The following CRTAM variants were observed in gnomAD, a reference collection of about 807,000 sequenced individuals.
The protein encoded by CRTAM is cytotoxic and regulatory T-cell molecule.
Under a neutral mutation model 50.0 loss-of-function variants are expected in CRTAM, and 44 were observed. That is an observed-to-expected ratio of 0.88 (90% confidence interval 0.69 to 1.13). CRTAM has a LOEUF of 1.13. Ranked by LOEUF, CRTAM falls within the 50% of genes most tolerant of loss-of-function variation. CRTAM has a pLI of 0.00. For synonymous variants in CRTAM, 159 were observed against 169.3 expected (o/e 0.94, Z 0.47); for missense variants, 448 against 457.5 (o/e 0.98, Z 0.19).
chr11:122,857,900 C>A (rs1431753867), intron 5 of CRTAM, among the ~76,000 whole-genome samples: 2 of 152,066 alleles, frequency 1.3e-5, no homozygotes, highest in Non-Finnish European at 2.9e-5. Context: ...AATAGGCTAT[C>A]TTTGTTTTTA....
intron 1 of CRTAM, among the ~76,000 whole-genome samples, chr11:122,839,783 C>G (rs1861777303): frequency 6.6e-6 from 1 of 152,174 alleles, no homozygotes; most frequent in Admixed American, 6.5e-5. Flanking sequence ...ATGCACCTAT[C>G]CTTCTAAATC....
intron 6 of CRTAM, 86 bp from the exon 7 acceptor site, chr11:122,864,550 C>G (rs922559250): frequency 5.6e-6 from 5 of 898,318 alleles, no homozygotes; most frequent in Non-Finnish European, 8.8e-6. Context: ...CCAAGCTGCT[C>G]TGGGAAGACT....
intron 4 of CRTAM, among the ~76,000 whole-genome samples, chr11:122,855,259 T>TA (rs1861990766): frequency 6.6e-6 from 1 of 152,118 alleles, no homozygotes; most frequent in Non-Finnish European, 1.5e-5. Flanking sequence ...TCAACATTCT[T>TA]AGAGTTGCAA....
chr11:122,857,854 C>T (rs755485433), intron 5 of CRTAM, among the ~76,000 whole-genome samples: 5 of 152,112 alleles, frequency 3.3e-5, no homozygotes, highest in Non-Finnish European at 7.4e-5. Context: ...TGTGATGCTT[C>T]GAGAAAGAGA....
intron 5 of CRTAM, among the ~76,000 whole-genome samples, chr11:122,861,686 C>T: frequency 6.6e-6 from 1 of 151,802 alleles, no homozygotes; most frequent in Admixed American, 6.6e-5. Context: ...GGCGATCCAC[C>T]CACCTCAGCC....
intron 3 of CRTAM, among the ~76,000 whole-genome samples, chr11:122,853,462 A>G (rs1861961769): frequency 6.6e-6 from 1 of 152,142 alleles, no homozygotes; most frequent in Non-Finnish European, 1.5e-5. Flanking sequence ...TTCTGGCTTC[A>G]GCCAAAGTAG....
intron 9 of CRTAM, among the ~76,000 whole-genome samples, chr11:122,869,668 C>T (rs1202083234): frequency 6.6e-6 from 1 of 152,164 alleles, no homozygotes; most frequent in South Asian, 2.1e-4. Flanking sequence ...AGAAATACAG[C>T]GAGTTTTGCC....
chr11:122,844,475 T>G (rs1403398966), intron 1 of CRTAM, among the ~76,000 whole-genome samples: 1 of 152,370 alleles, frequency 6.6e-6, no homozygotes, highest in East Asian at 1.9e-4. Flanking sequence ...TACTACTCTT[T>G]ATTCTATCAT....
At chr11:122,843,622 G>A (rs1861825959) in intron 1 of CRTAM, among the ~76,000 whole-genome samples, 1 of 152,166 alleles carries the variant, frequency 6.6e-6, no homozygotes, top group African/African-American at 2.4e-5. Flanking sequence ...TGTCTCTAGA[G>A]CCTACAGAGG....
In CRTAM at chr11:122,864,643, A is replaced by G; in HGVS notation, c.741A>G (p.Val247=). 8.1e-6 allele frequency: 13 copies of G among 1,611,314 alleles called. No homozygotes were observed. The highest frequency in any genetic ancestry group is 1.0e-5 in the Non-Finnish European group (12 of 1,177,548). The change falls in exon 7 of 10, where the codon GTA becomes GTG. Residue 247 remains valine, a synonymous_variant. Transcript: ENST00000227348. ...TATCTTCTTTCACTTTAGTCTCAGT[A>G]ACGGAAGATTCTAGTACATCGGAGA... ...DPQQPTSTVS[V]TEDSSTSEID... is the part of the protein sequence containing the mutation.
chr11:122,867,925 C>G (rs1284874079), intron 8 of CRTAM, 88 bp from the exon 9 acceptor site: 5 of 778,930 alleles, frequency 6.4e-6, no homozygotes, highest in Non-Finnish European at 1.1e-5. Flanking sequence ...TACTATTGCA[C>G]AGTAACAGAG....
rs771979682 is a variant in CRTAM, at chr11:122,850,112, G to A, written c.91G>A (p.Gly31Ser). ...NHTETITVEE[G>S]QTLTLKCVTS... The stretch of plus-strand genomic sequence containing the variant: ...CACAGAAACCATCACCGTGGAGGAA[G>A]GCCAGACGCTCACTCTAAAGTGTGT... Residue 31 changes from glycine to serine, a missense_variant, in exon 2 of 10, where the codon GGC becomes AGC. Gly to Ser is a moderately conservative substitution (Grantham distance 56, BLOSUM62 0). Coordinates refer to ENST00000227348, the MANE Select transcript of CRTAM (RefSeq NM_019604.4). 2 of 1,613,386 alleles carry A rather than the reference G, an allele frequency of 1.2e-6. No individual in the cohort carries two copies. Among genetic ancestry groups the A allele is most frequent in the Admixed American group, 1.7e-5 (1 of 60,008 alleles).
intron 5 of CRTAM, among the ~76,000 whole-genome samples, chr11:122,861,377 T>C (rs11218867): frequency 0.024 from 2,297 of 96,930 alleles, 57 homozygotes; most frequent in Admixed American, 0.081. Context: ...CACACACACA[T>C]ACATATACGT....
intron 9 of CRTAM, 73 bp from the exon 10 acceptor site, chr11:122,871,192 CCAAT>C (rs1183277808): frequency 1.5e-6 from 2 of 1,314,646 alleles, no homozygotes; most frequent in East Asian, 2.5e-5. Context: ...AATATGATAT[CCAAT>C]CAAAGTGTTT....
At position 122,851,765 on chromosome 11, in the gene CRTAM, C is replaced by A. The variant is rs1219272928; in HGVS notation, c.266C>A (p.Thr89Asn). The change falls in exon 3 of 10, where the codon ACC becomes AAC. Residue 89 changes from threonine (T) to asparagine (N), a missense_variant. Transcript: ENST00000227348. The part of the protein sequence containing the change: ...NQLSITVPNV[T>N]LQDEGVYKCL... ...CTCTCCATCACTGTGCCTAACGTAACCCTGCAAGATGAAGGCGTGTACAAG... is the reference window on the plus strand; with the variant it reads ...CTCTCCATCACTGTGCCTAACGTAAACCTGCAAGATGAAGGCGTGTACAAG... 2 of 1,614,080 alleles carry A rather than the reference C, an allele frequency of 1.2e-6. No individual in the cohort carries two copies. Among genetic ancestry groups the A allele is most frequent in the South Asian group, 2.2e-5 (2 of 91,080 alleles).
At chr11:122,858,538 T>C (rs1467663807) in intron 5 of CRTAM, among the ~76,000 whole-genome samples, 2 of 151,840 alleles carry the variant, frequency 1.3e-5, no homozygotes, top group Non-Finnish European at 2.9e-5. Flanking sequence ...CTCTTTTTGT[T>C]GTTCTTGTTG....
chr11:122,852,811 C>CTAT, intron 3 of CRTAM, among the ~76,000 whole-genome samples: 1 of 152,186 alleles, frequency 6.6e-6, no homozygotes, highest in Admixed American at 6.5e-5. Flanking sequence ...CCACACCAGA[C>CTAT]TATTAGCTCC....
chr11:122,845,633 G>A lies in CRTAM; in HGVS notation c.47-4435G>A, dbSNP rs139731004. ...GAGGTAGGAGAATTGCTTGCAACTG[G>A]GAGGTGGAGGTTGCAGTGAGCTGAG... On this transcript the variant is annotated intron_variant, in intron 1 of 9. Transcript: ENST00000227348. Among the ~76,000 whole-genome samples the A allele has an allele frequency of 3.6e-3, 554 of 152,222 alleles. 4 individuals carry two copies. The highest frequency in any genetic ancestry group is 9.2e-3 in the African/African-American group (384 of 41,526).
chr11:122,868,033 A>T lies in CRTAM; in HGVS notation c.985A>T (p.Thr329Ser). 6.2e-7 allele frequency: 1 copy of T among 1,612,000 alleles called. No individual in the cohort carries two copies. Residue 329 changes from threonine to serine, a missense_variant, in exon 9 of 10, where the codon ACA becomes TCA. Physicochemically the swap from Thr to Ser is moderately conservative, Grantham distance 58. Coordinates refer to ENST00000227348, the MANE Select transcript of CRTAM (RefSeq NM_019604.4). ...WKKENEVSEH[T>S]LESYRSRSNN... Reference sequence around the variant, plus strand: ...TGTAGAAAACGAAGTTTCAGAACACACACTAGAAAGTTACAGATCAAGGTC... The same window carrying T: ...TGTAGAAAACGAAGTTTCAGAACACTCACTAGAAAGTTACAGATCAAGGTC...
Sources: gnomAD v4.1 joint callset for allele counts (sites outside exome capture counted in the v4.1 genomes callset) on GRCh38, gnomAD v4.1.1 for gene constraint, MANE v1.5 for transcripts, NCBI Gene and HGNC (gene_info 2026-07-23, HGNC 2026-07-21) for gene names.